ABCB1: variants seen among roughly 807,000 people sequenced by gnomAD.
The protein encoded by ABCB1 is ATP binding cassette subfamily B member 1, also known as ATP-dependent translocase ABCB1.
A neutral mutation model predicts 142.0 loss-of-function variants in ABCB1; 69 were observed. The observed-to-expected ratio is 0.49, with a 90% CI of 0.40 to 0.59. The LOEUF is 0.59. ABCB1 is among the 20% of genes least tolerant of loss of function. The pLI, the probability that ABCB1 is intolerant of heterozygous loss-of-function variation, is 0.00. For synonymous variants in ABCB1, 532 were observed against 539.2 expected (o/e 0.99, Z 0.18); for missense variants, 1,326 against 1,554.7 (o/e 0.85, Z 2.47).
At chr7:87,621,715 T>C (rs1265752919) in intron 1 of ABCB1, among the ~76,000 whole-genome samples, 2 of 152,074 alleles carry the variant, frequency 1.3e-5, no homozygotes, top group Non-Finnish European at 2.9e-5. Context: ...ATATTGACTG[T>C]GTGTAGAATA....
intron 9 of ABCB1, among the ~76,000 whole-genome samples, chr7:87,553,244 G>A (rs1361609478): frequency 6.6e-6 from 1 of 151,376 alleles, no homozygotes; most frequent in Non-Finnish European, 1.5e-5. Context: ...GATAAATTGT[G>A]CAAGATATCT....
intron 4 of ABCB1, among the ~76,000 whole-genome samples, chr7:87,576,026 T>TAG (rs1271849395): frequency 6.6e-6 from 1 of 152,196 alleles, no homozygotes; most frequent in Non-Finnish European, 1.5e-5. Context: ...CATGTATGTC[T>TAG]ATAAATTATG....
chr7:87,531,164 A>C (rs1376744077), intron 21 of ABCB1, 130 bp downstream of exon 21: 21 of 846,056 alleles, frequency 2.5e-5, no homozygotes, highest in Non-Finnish European at 3.6e-5. Context: ...AATAAGCATG[A>C]AAAAGATTGC....
intron 1 of ABCB1, chr7:87,650,859 G>T: frequency 6.2e-7 from 1 of 1,612,688 alleles, no homozygotes; most frequent in South Asian, 1.1e-5. Context: ...GTCTTGCTTT[G>T]AGACAATTGA....
intron 21 of ABCB1, among the ~76,000 whole-genome samples, chr7:87,522,762 A>C (rs1464071815): frequency 6.6e-6 from 1 of 152,140 alleles, no homozygotes; most frequent in Non-Finnish European, 1.5e-5. Flanking sequence ...TTTTTAAAAA[A>C]AAAGTATATT....
intron 7 of ABCB1, chr7:87,563,270 T>C: frequency 2.9e-6 from 1 of 346,920 alleles, no homozygotes; most frequent in Non-Finnish European, 5.8e-6. Flanking sequence ...CTGAAAATGT[T>C]CCAAAAAATT....
chr7:87,556,650 G>A (rs1399797344), intron 8 of ABCB1, among the ~76,000 whole-genome samples: 3 of 152,138 alleles, frequency 2.0e-5, no homozygotes, highest in Non-Finnish European at 2.9e-5. Flanking sequence ...GCTCTGGCCT[G>A]GACCATTCTG....
intron 1 of ABCB1, among the ~76,000 whole-genome samples, chr7:87,614,876 T>C (rs188476728): frequency 1.3e-5 from 2 of 151,918 alleles, no homozygotes; most frequent in Non-Finnish European, 2.9e-5. Context: ...AACGGAGTCA[T>C]GCTCTGCTGC....
At chr7:87,690,327 T>A (rs761915948) in intron 1 of ABCB1, among the ~76,000 whole-genome samples, 1 of 152,166 alleles carries the variant, frequency 6.6e-6, no homozygotes, top group Non-Finnish European at 1.5e-5. Context: ...TATTAAACTG[T>A]TTTTACATTT....
At chr7:87,534,746 C>A (rs1816203753) in intron 20 of ABCB1, among the ~76,000 whole-genome samples, 2 of 151,770 alleles carry the variant, frequency 1.3e-5, no homozygotes, top group African/African-American at 4.8e-5. Flanking sequence ...GAGACCCTGT[C>A]TCTACAAAAA....
At chr7:87,566,536 T>C (rs975087387) in intron 6 of ABCB1, among the ~76,000 whole-genome samples, 8 of 152,316 alleles carry the variant, frequency 5.3e-5, no homozygotes, top group East Asian at 3.9e-4. Flanking sequence ...CTGCACATTC[T>C]CAGAGGATTT....
At chr7:87,522,443 GGA>G in intron 21 of ABCB1, 1 of 597,974 alleles carries the variant, frequency 1.7e-6, no homozygotes, top group East Asian at 3.7e-5. Flanking sequence ...AATCTTAGCA[GGA>G]GATAAGAGCC....
rs183330815 is a variant in ABCB1 at position 87,626,967 on chromosome 7, G to C, written c.-330-25889C>G. Reference sequence around the variant, plus strand: ...ATTTTTGTATTTTTAGTAGAGATGGGGTTTCACTATGTTGGTCAGGCTGGT... The same window carrying C: ...ATTTTTGTATTTTTAGTAGAGATGGCGTTTCACTATGTTGGTCAGGCTGGT... On this transcript the variant is annotated intron_variant, in intron 1 of 28. Transcript: ENST00000265724. 6.6e-5 allele frequency among the ~76,000 whole-genome samples: 10 copies of C among 152,114 alleles called. No homozygotes were observed. The East Asian group carries it at 1.9e-3, about 29-fold the overall frequency.
intron 1 of ABCB1, among the ~76,000 whole-genome samples, chr7:87,646,195 T>C (rs1174521803): frequency 1.3e-5 from 2 of 152,206 alleles, no homozygotes; most frequent in African/African-American, 4.8e-5. Flanking sequence ...ATGAGTAATG[T>C]AGAAAAATAT....
intron 1 of ABCB1, among the ~76,000 whole-genome samples, chr7:87,612,413 TA>T (rs888464140): frequency 6.6e-6 from 1 of 152,208 alleles, no homozygotes; most frequent in African/African-American, 2.4e-5. Flanking sequence ...CATAAGTATT[TA>T]ATCCATGTTG....
chr7:87,526,866 A>G (rs993221070), intron 21 of ABCB1, among the ~76,000 whole-genome samples: 6 of 152,196 alleles, frequency 3.9e-5, no homozygotes, highest in Non-Finnish European at 8.8e-5. Context: ...GAGCATATCT[A>G]TAGATATGGA....
At chr7:87,507,429 G>C (rs1309501687) in intron 26 of ABCB1, among the ~76,000 whole-genome samples, 1 of 152,162 alleles carries the variant, frequency 6.6e-6, no homozygotes, top group Non-Finnish European at 1.5e-5. Context: ...AGGTTCCCAG[G>C]TGATGCTGAT....
intron 3 of ABCB1, among the ~76,000 whole-genome samples, chr7:87,594,885 T>C (rs1819133218): frequency 6.6e-6 from 1 of 152,162 alleles, no homozygotes; most frequent in Non-Finnish European, 1.5e-5. Context: ...CTCCCTTACC[T>C]TAAAAAAATT....
chr7:87,553,773 T>G lies in ABCB1; in HGVS notation c.987A>C (p.Gly329=). 5 of 1,614,076 alleles carry G rather than the reference T, an allele frequency of 3.1e-6. 1 individual carries two copies. The South Asian group carries it at 5.5e-5, about 18-fold the overall frequency. Residue 329 remains glycine (G), a synonymous_variant, in exon 9 of 28, where the codon GGA becomes GGC. Coordinates refer to ENST00000622132, the MANE Select transcript of ABCB1 (RefSeq NM_001348946.2). ...GTAAACCACTTACAGTGAGTACTTG[T>G]CCAATAGAATATTCCCCTGAGAGGA... The part of the protein sequence containing the change: ...TLVLSGEYSI[G]QVLTVFFSVL...
Sources: allele counts gnomAD v4.1 joint callset (sites outside exome capture counted in the v4.1 genomes callset), GRCh38; gene constraint gnomAD v4.1.1; transcripts MANE v1.5; gene names NCBI Gene and HGNC (gene_info 2026-07-23, HGNC 2026-07-21).